HUWE1: variants seen among roughly 807,000 people sequenced by gnomAD.
HUWE1 encodes the protein E3 ubiquitin-protein ligase HUWE1.
Under a neutral mutation model 299.4 loss-of-function variants are expected in HUWE1, and 18 were observed. The ratio of observed to expected loss-of-function variants is 0.06; its 90% CI spans 0.04 to 0.09. The LOEUF (loss-of-function observed/expected upper bound fraction) is 0.09, where lower values mean the gene tolerates loss of function less well. HUWE1 is among the 10% of genes least tolerant of loss of function. HUWE1 has a pLI of 1.00. For missense variants in HUWE1, 1,832 were observed against 3,462.3 expected, an observed-to-expected ratio of 0.53 and a Z score of 11.82; for synonymous variants, 1,317 against 1,286.1, an observed-to-expected ratio of 1.02 and a Z score of -0.51.
intron 29 of HUWE1, 133 bp downstream of exon 29, chrX:53,599,985 A>G: frequency 3.4e-6 from 2 of 579,905 alleles, no homozygotes; most frequent in Non-Finnish European, 5.9e-6. Flanking sequence ...GCCACTCAAC[A>G]AAGGACACTT....
intron 2 of HUWE1, chrX:53,680,451 T>TTA: frequency 6.6e-6 from 1 of 152,511 alleles, no homozygotes; most frequent in Non-Finnish European, 1.3e-5. Flanking sequence ...AGAAGACAGT[T>TTA]TATTTTTTAG....
chrX:53,595,156 T>C, intron 30 of HUWE1, 31 bp downstream of exon 30: 7 of 1,113,236 alleles, frequency 6.3e-6, no homozygotes, highest in Non-Finnish European at 8.7e-6. Flanking sequence ...ATTGTAACTT[T>C]CTAGTCCCTG....
intron 4 of HUWE1, among the ~76,000 whole-genome samples, chrX:53,652,687 C>T (rs782296581): frequency 6.3e-5 from 7 of 111,839 alleles, no homozygotes; most frequent in Non-Finnish European, 1.3e-4. Context: ...AAAATGAGTA[C>T]GTTCAATATA....
intron 19 of HUWE1, among the ~76,000 whole-genome samples, chrX:53,623,340 C>T (rs1309481900): frequency 2.3e-4 from 26 of 111,009 alleles, no homozygotes; most frequent in African/African-American, 8.2e-4. Context: ...GGCCTTGAGA[C>T]GTCCCCACCG....
At chrX:53,614,265 C>CT (rs1557005241) in intron 23 of HUWE1, among the ~76,000 whole-genome samples, 3 of 109,754 alleles carry the variant, frequency 2.7e-5, no homozygotes, top group Non-Finnish European at 5.7e-5. Flanking sequence ...AACTCTCTCT[C>CT]AAAAAAATCA....
rs781907962 is a variant in HUWE1, at chrX:53,544,517, C to T, written c.11251+43G>A. 81 of 1,093,496 alleles carry T rather than the reference C, an allele frequency of 7.4e-5. No individual in the cohort carries two copies. In the South Asian group the frequency reaches 1.1e-3, roughly 15 times the overall value. 90.1% of individuals were successfully genotyped at this position (1,093,496 alleles called of 1,213,427 possible). A position where few individuals can be genotyped will look rare whatever the true frequency, so the allele number is the denominator to read the frequency against. ...GCACCTCCAAGGAATCTGGCTTTAC[C>T]GCCACCAACCCTTCCCCTCAACTGG... On this transcript the variant is annotated intron_variant, in intron 72 of 83. Coordinates refer to ENST00000262854, the MANE Select transcript of HUWE1 (RefSeq NM_031407.7).
At chrX:53,682,001 A>C (rs915863921) in intron 2 of HUWE1, among the ~76,000 whole-genome samples, 5 of 111,694 alleles carry the variant, frequency 4.5e-5, no homozygotes, top group Admixed American at 2.8e-4. Flanking sequence ...TGGAGATAAA[A>C]AGTTTGGCCT....
At chrX:53,610,755 G>A (rs1254005313) in intron 23 of HUWE1, among the ~76,000 whole-genome samples, 2 of 111,674 alleles carry the variant, frequency 1.8e-5, no homozygotes, top group East Asian at 5.6e-4. Context: ...GAACAACTGC[G>A]TCTCTGCACT....
At chrX:53,590,934 A>C in intron 34 of HUWE1, 66 bp downstream of exon 34, 3 of 1,173,353 alleles carry the variant, frequency 2.6e-6, no homozygotes, top group Non-Finnish European at 2.3e-6. Flanking sequence ...CAGAATAATA[A>C]GGGGAAAAAG....
At chrX:53,641,286 T>A (rs1196484145) in intron 7 of HUWE1, among the ~76,000 whole-genome samples, 1 of 111,948 alleles carries the variant, frequency 8.9e-6, no homozygotes, top group Non-Finnish European at 1.9e-5. Context: ...CTTGGCTTTA[T>A]AATAAAACCA....
At chrX:53,586,641 T>G (rs782443434) in intron 38 of HUWE1, 70 bp from the exon 39 acceptor site, 1 of 1,063,358 alleles carries the variant, frequency 9.4e-7, no homozygotes, top group Admixed American at 2.4e-5. Flanking sequence ...ATATCTTAAT[T>G]TCATCAGATG....
intron 80 of HUWE1, 168 bp downstream of exon 80, chrX:53,535,979 T>C (rs1402739076): frequency 2.6e-6 from 1 of 387,420 alleles, no homozygotes; most frequent in South Asian, 3.9e-5. Flanking sequence ...CTGCAAATTC[T>C]GGTTTTCCTG....
At chrX:53,654,014 T>C (rs112961003) in intron 4 of HUWE1, 49 bp downstream of exon 4, 1 of 941,757 alleles carries the variant, frequency 1.1e-6, no homozygotes. Context: ...AATATTTTTT[T>C]ATTTTTTAAT....
chrX:53,542,845 T>TTTTGTGTG (rs1491554454), intron 73 of HUWE1: 2 of 164,035 alleles, frequency 1.2e-5, no homozygotes, highest in South Asian at 1.6e-4. Context: ...TCTTCTTCTG[T>TTTTGTGTG]TGTGTGTGTG....
intron 74 of HUWE1, among the ~76,000 whole-genome samples, chrX:53,540,660 G>A (rs1181021427): frequency 8.9e-6 from 1 of 112,052 alleles, no homozygotes; most frequent in East Asian, 2.8e-4. Flanking sequence ...ATCTTGTCCT[G>A]GGGCAGTTTA....
intron 66 of HUWE1, among the ~76,000 whole-genome samples, chrX:53,550,437 T>C (rs1400704529): frequency 8.9e-6 from 1 of 112,154 alleles, no homozygotes; most frequent in Non-Finnish European, 1.9e-5. Context: ...TAGCACCTGC[T>C]GCCGGCCTGC....
Position 53,542,496 on chromosome X carries a change from G to A in HUWE1, c.11423C>T (p.Ser3808Leu). The A allele has an allele frequency of 3.3e-6, 4 of 1,205,983 alleles. No individual in the cohort carries two copies. Among genetic ancestry groups the A allele is most frequent in the Non-Finnish European group, 4.5e-6 (4 of 890,215 alleles). ...AGATGGCTGGTCCACATCCATGGGT[G>A]ATTCCTCCCTCCGGACAGACGCCTC... The part of the protein sequence containing the change: ...QSEASVRREE[S>L]PMDVDQPSPS... Residue 3808 changes from serine to leucine, a missense_variant, in exon 74 of 84, where the codon TCA becomes TTA. By Grantham distance (145) the Ser-to-Leu change is moderately radical. This residue lies in a region of HUWE1 where 41 missense variants were observed against 124.0 expected (regional missense o/e 0.33). Coordinates refer to ENST00000262854, the MANE Select transcript of HUWE1 (RefSeq NM_031407.7).
At chrX:53,655,893 T>C (rs1557042731) in intron 3 of HUWE1, among the ~76,000 whole-genome samples, 2 of 111,304 alleles carry the variant, frequency 1.8e-5, no homozygotes, top group African/African-American at 6.5e-5. Flanking sequence ...GCCAATATAA[T>C]ACAGTAAGAA....
intron 19 of HUWE1, among the ~76,000 whole-genome samples, chrX:53,620,542 G>GGCCCATCTGTTGTACTGTTCACAGAAA (rs1293326379): frequency 3.6e-5 from 4 of 111,673 alleles, no homozygotes; most frequent in Non-Finnish European, 7.5e-5. Flanking sequence ...GCCAGTGCCT[G>GGCCCATCTGTTGTACTGTTCACAGAAA]GCCCATCTGT....
Sources: allele counts gnomAD v4.1 joint callset (sites outside exome capture counted in the v4.1 genomes callset), GRCh38; gene constraint gnomAD v4.1.1; regional missense constraint gnomAD v4.1.1; transcripts MANE v1.5; gene names NCBI Gene and HGNC (gene_info 2026-07-23, HGNC 2026-07-21).